TRAPPC9: variants seen among roughly 807,000 people sequenced by gnomAD.
TRAPPC9 encodes the protein trafficking protein particle complex subunit 9, also known as IKK2 binding protein.
Under a neutral mutation model 124.0 loss-of-function variants are expected in TRAPPC9, and 83 were observed. That is an observed-to-expected ratio of 0.67 (90% CI 0.56 to 0.80). TRAPPC9 has a LOEUF of 0.80. Ranked by LOEUF, TRAPPC9 falls within the 30% of genes least tolerant of loss-of-function variation. TRAPPC9 has a pLI of 0.00. For missense variants in TRAPPC9, 1,302 were observed against 1,508.3 expected (o/e 0.86, Z 2.27); for synonymous variants, 638 against 617.5 (o/e 1.03, Z -0.49).
At chr8:140,133,206 T>C (rs1464869889) in intron 17 of TRAPPC9, among the ~76,000 whole-genome samples, 1 of 152,176 alleles carries the variant, frequency 6.6e-6, no homozygotes, top group African/African-American at 2.4e-5. Context: ...AAAAGGACTA[T>C]GTACCATGAC....
chr8:140,340,890 G>GA (rs2067174796), intron 9 of TRAPPC9, among the ~76,000 whole-genome samples: 1 of 152,182 alleles, frequency 6.6e-6, no homozygotes, highest in Non-Finnish European at 1.5e-5. Flanking sequence ...ACACTCTTTG[G>GA]AAGTCACGAA....
intron 9 of TRAPPC9, among the ~76,000 whole-genome samples, chr8:140,314,373 T>A (rs1332823224): frequency 6.6e-6 from 1 of 152,246 alleles, no homozygotes; most frequent in Admixed American, 6.5e-5. Context: ...AGTATGATGT[T>A]TTAATGCATT....
intron 20 of TRAPPC9, among the ~76,000 whole-genome samples, chr8:139,905,256 G>C (rs182615401): frequency 7.9e-4 from 120 of 152,060 alleles, no homozygotes; most frequent in Non-Finnish European, 1.3e-3. Flanking sequence ...GGGCTGGGGG[G>C]AAGGATTCTC....
At chr8:140,422,820 T>C (rs1406360319) in intron 5 of TRAPPC9, among the ~76,000 whole-genome samples, 2 of 148,496 alleles carry the variant, frequency 1.3e-5, no homozygotes, top group African/African-American at 4.9e-5. Context: ...AATTTAAAAA[T>C]TGGTAACTAT....
chr8:140,219,374 G>A (rs964821026), intron 17 of TRAPPC9, among the ~76,000 whole-genome samples: 14 of 152,272 alleles, frequency 9.2e-5, no homozygotes, highest in Non-Finnish European at 2.1e-4. Flanking sequence ...GTTACAAAAC[G>A]TTACGTTTTC....
intron 21 of TRAPPC9, among the ~76,000 whole-genome samples, chr8:139,848,416 T>C (rs58052548): frequency 6.6e-6 from 1 of 152,078 alleles, no homozygotes; most frequent in South Asian, 2.1e-4. Flanking sequence ...TATCACACGG[T>C]GATAGATTGA....
intron 21 of TRAPPC9, among the ~76,000 whole-genome samples, chr8:139,768,735 G>A (rs2130424129): frequency 6.6e-6 from 1 of 152,280 alleles, no homozygotes; most frequent in South Asian, 2.1e-4. Flanking sequence ...TCTATTAAAT[G>A]TCTACTAACA....
chr8:140,301,313 CCAATCCA>C (rs2065969453), intron 10 of TRAPPC9, among the ~76,000 whole-genome samples: 1 of 152,232 alleles, frequency 6.6e-6, no homozygotes, highest in African/African-American at 2.4e-5. Flanking sequence ...GATAAATTTA[CCAATCCA>C]TGGAGTCTGA....
At chr8:140,220,619 T>G (rs1286942076) in intron 17 of TRAPPC9, among the ~76,000 whole-genome samples, 1 of 152,152 alleles carries the variant, frequency 6.6e-6, no homozygotes, top group African/African-American at 2.4e-5. Context: ...CCTCATCAGA[T>G]AGCACCCCAT....
At chr8:140,168,714 C>T (rs1248072026) in intron 17 of TRAPPC9, among the ~76,000 whole-genome samples, 1 of 152,222 alleles carries the variant, frequency 6.6e-6, no homozygotes, top group Non-Finnish European at 1.5e-5. Context: ...GGTGGTGCTG[C>T]CTGAGTGACC....
chr8:140,028,690 C>T (rs903148960), intron 17 of TRAPPC9, among the ~76,000 whole-genome samples: 1 of 152,236 alleles, frequency 6.6e-6, no homozygotes, highest in East Asian at 1.9e-4. Flanking sequence ...AGGAAGAAGG[C>T]ACAGTGCCAC....
chr8:140,384,502 G>A (rs1429767848), intron 7 of TRAPPC9, among the ~76,000 whole-genome samples: 1 of 152,124 alleles, frequency 6.6e-6, no homozygotes, highest in Non-Finnish European at 1.5e-5. Context: ...AAAGGCAGGG[G>A]TTGCAATCCT....
intron 17 of TRAPPC9, among the ~76,000 whole-genome samples, chr8:140,219,958 G>A (rs2063297969): frequency 6.6e-6 from 1 of 152,220 alleles, no homozygotes; most frequent in South Asian, 2.1e-4. Flanking sequence ...CTGCTGAACT[G>A]AAGCATTTCA....
chr8:139,809,632 G>T (rs1824299711), intron 21 of TRAPPC9, among the ~76,000 whole-genome samples: 1 of 152,080 alleles, frequency 6.6e-6, no homozygotes, highest in Non-Finnish European at 1.5e-5. Context: ...CTGGCCTCCT[G>T]ACAGCCCAGC....
intron 14 of TRAPPC9, among the ~76,000 whole-genome samples, chr8:140,282,366 G>C (rs2065348622): frequency 6.6e-6 from 1 of 152,068 alleles, no homozygotes; most frequent in Non-Finnish European, 1.5e-5. Flanking sequence ...AGCTGGGCGT[G>C]GTGGCGGGTA....
chr8:139,902,002 C>T (rs1563908050), intron 20 of TRAPPC9, among the ~76,000 whole-genome samples: 1 of 152,204 alleles, frequency 6.6e-6, no homozygotes. Flanking sequence ...AGCTCTGTAA[C>T]TTTATGATTC....
intron 17 of TRAPPC9, among the ~76,000 whole-genome samples, chr8:140,106,772 G>A (rs1427632158): frequency 1.3e-5 from 2 of 152,106 alleles, no homozygotes; most frequent in Admixed American, 6.5e-5. Context: ...TTACAAGAAC[G>A]AAGCAAGATA....
At chr8:139,931,135 C>A (rs1294283503) in intron 19 of TRAPPC9, 1 of 152,190 alleles carries the variant, frequency 6.6e-6, no homozygotes, top group Non-Finnish European at 1.5e-5. Flanking sequence ...TAACCGCAAG[C>A]TGTGAGATCC....
chr8:140,129,004 T>TATA (rs1184610575), intron 17 of TRAPPC9, among the ~76,000 whole-genome samples: 3 of 137,200 alleles, frequency 2.2e-5, no homozygotes, highest in Admixed American at 7.5e-5. Flanking sequence ...TATATATATA[T>TATA]TAAAAAAAAA....
Sources: allele counts gnomAD v4.1 joint callset (sites outside exome capture counted in the v4.1 genomes callset), GRCh38; gene constraint gnomAD v4.1.1; transcripts MANE v1.5; gene names NCBI Gene and HGNC (gene_info 2026-07-23, HGNC 2026-07-21).